The following EXOSC4 variants were observed in gnomAD, a reference collection of about 807,000 sequenced individuals.
EXOSC4 encodes the protein exosome component 4, also known as exosome complex component RRP41.
In EXOSC4, 14 loss-of-function variants were observed where a neutral mutation model predicts 20.0. The ratio of observed to expected loss-of-function variants is 0.70; its 90% CI spans 0.46 to 1.09. The LOEUF (loss-of-function observed/expected upper bound fraction) is 1.09, where lower values mean the gene tolerates loss of function less well. Ranked by LOEUF, EXOSC4 falls within the 50% of genes least tolerant of loss-of-function variation. EXOSC4 has a pLI of 0.00. For synonymous variants in EXOSC4, 148 were observed against 146.4 expected (o/e 1.01, Z -0.08); for missense variants, 337 against 334.0 (o/e 1.01, Z -0.07).
chr8:144,079,118 C>G, intron 1 of EXOSC4: 1 of 452,784 alleles, frequency 2.2e-6, no homozygotes, highest in Non-Finnish European at 3.7e-6. Flanking sequence ...GCCCTCCTTC[C>G]TCTTTGCGGC....
At chr8:144,077,745 T>A (rs1835849734), upstream of EXOSC4, among the ~76,000 whole-genome samples, 1 of 152,214 alleles carries the variant, frequency 6.6e-6, no homozygotes, top group Non-Finnish European at 1.5e-5. Context: ...CACCTTGTTG[T>A]CCTGGAAGGC....
the EXOSC4 span, among the ~76,000 whole-genome samples, chr8:144,064,897 A>C: frequency 4.2e-5 from 6 of 142,500 alleles, no homozygotes; most frequent in African/African-American, 1.6e-4. Flanking sequence ...GCTGGAGTGC[A>C]GTGGCGCCAT....
upstream of EXOSC4, among the ~76,000 whole-genome samples, chr8:144,074,505 A>G (rs1554762499): frequency 1.3e-5 from 2 of 152,214 alleles, no homozygotes; most frequent in Admixed American, 1.3e-4. Flanking sequence ...AGAGGATCTA[A>G]GATTAGTCAC....
At chr8:144,075,616 G>A (rs1476813389), upstream of EXOSC4, among the ~76,000 whole-genome samples, 3 of 152,100 alleles carry the variant, frequency 2.0e-5, no homozygotes, top group African/African-American at 4.8e-5. Flanking sequence ...CAAGTGATCC[G>A]CCTGCCTCTG....
At chr8:144,074,422 C>T (rs773902902), upstream of EXOSC4, among the ~76,000 whole-genome samples, 4 of 152,226 alleles carry the variant, frequency 2.6e-5, no homozygotes, top group African/African-American at 4.8e-5. Context: ...AAATGGCTTC[C>T]GGAAACACCC....
chr8:144,070,697 G>A, the EXOSC4 span, among the ~76,000 whole-genome samples: 4 of 151,642 alleles, frequency 2.6e-5, no homozygotes, highest in African/African-American at 7.3e-5. Context: ...GCATGGTGGC[G>A]CACGCCTGCA....
At chr8:144,067,132 A>G in the EXOSC4 span, among the ~76,000 whole-genome samples, 2 of 152,180 alleles carry the variant, frequency 1.3e-5, no homozygotes, top group Admixed American at 6.5e-5. Flanking sequence ...CAGTCAGTCA[A>G]CTTTCAACTC....
At chr8:144,067,030 A>G in the EXOSC4 span, among the ~76,000 whole-genome samples, 1 of 151,972 alleles carries the variant, frequency 6.6e-6, no homozygotes, top group Non-Finnish European at 1.5e-5. Flanking sequence ...GAGGTTGTGG[A>G]GAGCCGAGAT....
chr8:144,066,983 A>T, the EXOSC4 span, among the ~76,000 whole-genome samples: 1 of 152,102 alleles, frequency 6.6e-6, no homozygotes, highest in East Asian at 1.9e-4. Context: ...GCTACTCGGG[A>T]GGCTGAGGCA....
At chr8:144,072,033 A>C in the EXOSC4 span, among the ~76,000 whole-genome samples, 1 of 152,148 alleles carries the variant, frequency 6.6e-6, no homozygotes. Flanking sequence ...TATATGTGAT[A>C]CTGTGTTACA....
chr8:144,064,896 C>T, the EXOSC4 span, among the ~76,000 whole-genome samples: 1 of 145,836 alleles, frequency 6.9e-6, no homozygotes, highest in African/African-American at 2.6e-5. Context: ...GGCTGGAGTG[C>T]AGTGGCGCCA....
At chr8:144,073,526 C>T in the EXOSC4 span, among the ~76,000 whole-genome samples, 1 of 151,972 alleles carries the variant, frequency 6.6e-6, no homozygotes, top group Admixed American at 6.6e-5. Flanking sequence ...CCCAAGCTTT[C>T]GGAATGTCTT....
chr8:144,064,338 T>C, the EXOSC4 span, among the ~76,000 whole-genome samples: 1 of 152,158 alleles, frequency 6.6e-6, no homozygotes, highest in Non-Finnish European at 1.5e-5. Flanking sequence ...CAGGACATAG[T>C]TTTAGGCAAC....
chr8:144,067,747 C>G, the EXOSC4 span, among the ~76,000 whole-genome samples: 1 of 152,354 alleles, frequency 6.6e-6, no homozygotes, highest in East Asian at 1.9e-4. Flanking sequence ...GTGGCACACG[C>G]CTGTCATCCT....
chr8:144,079,439 G>A, intron 1 of EXOSC4: 1 of 325,310 alleles, frequency 3.1e-6, no homozygotes, highest in East Asian at 8.4e-5. Context: ...GCGCATGAGT[G>A]TGGGAGCTCT....
the EXOSC4 span, among the ~76,000 whole-genome samples, chr8:144,067,703 T>C: frequency 6.6e-6 from 1 of 152,160 alleles, no homozygotes; most frequent in Non-Finnish European, 1.5e-5. Context: ...CAGTTCAAGA[T>C]GAACAAAGAT....
chr8:144,064,692 G>A, the EXOSC4 span, among the ~76,000 whole-genome samples: 1 of 152,194 alleles, frequency 6.6e-6, no homozygotes, highest in Non-Finnish European at 1.5e-5. Context: ...CTCAAGGAAG[G>A]GGATGGGCCA....
At chr8:144,068,594 C>T in the EXOSC4 span, among the ~76,000 whole-genome samples, 2 of 152,208 alleles carry the variant, frequency 1.3e-5, no homozygotes, top group African/African-American at 4.8e-5. Flanking sequence ...GCTGTGTAGC[C>T]CTCTCACTTT....
In EXOSC4 at chr8:144,080,107, C is replaced by T; in HGVS notation, c.336C>T (p.Leu112=). 1 of 1,613,880 alleles carries T rather than the reference C, an allele frequency of 6.2e-7. No homozygotes were observed. The part of the protein sequence containing the change: ...QLRQTFEAAI[L]TQLHPRSQID... ...GCCAGACTTTCGAAGCAGCCATCCT[C>T]ACACAGCTGCACCCACGCTCCCAGA... Residue 112 remains leucine, a synonymous_variant, in exon 2 of 3, where the codon CTC becomes CTT. Transcript: ENST00000316052. The surrounding 1 kb of genome is among the most constrained non-coding windows in gnomAD (Gnocchi z 4.9).
Sources: gnomAD v4.1 joint callset for allele counts (sites outside exome capture counted in the v4.1 genomes callset) on GRCh38, gnomAD v4.1.1 for gene constraint, Gnocchi (gnomAD v3.1) non-coding constraint, MANE v1.5 for transcripts, NCBI Gene and HGNC (gene_info 2026-07-23, HGNC 2026-07-21) for gene names.